The following UNCX variants were observed in gnomAD, a reference collection of about 807,000 sequenced individuals.
The protein encoded by UNCX is homeobox protein unc-4 homolog.
In UNCX, 4 loss-of-function variants were observed where a neutral mutation model predicts 14.8. The observed-to-expected ratio is 0.27, with a 90% CI of 0.13 to 0.62. The LOEUF (loss-of-function observed/expected upper bound fraction) is 0.62. Ranked by LOEUF, UNCX falls within the 20% of genes least tolerant of loss-of-function variation. The pLI is 0.86. For missense variants in UNCX, 749 were observed against 786.8 expected, an observed-to-expected ratio of 0.95 and a Z score of 0.58; for synonymous variants, 459 against 395.8, an observed-to-expected ratio of 1.16 and a Z score of -1.90.
In UNCX at chr7:1,236,785, T is replaced by G; in HGVS notation, c.1404T>G (p.Ala468=). 1.0e-6 allele frequency: 1 copy of G among 985,732 alleles called. No homozygotes were observed. Among genetic ancestry groups the G allele is most frequent in the Non-Finnish European group, 1.2e-6 (1 of 832,240 alleles). 61.1% of individuals were successfully genotyped at this position (985,732 alleles called of 1,614,324 possible). ...TCCGGGACCTCGCCTCGGCAGCGGC[T>G]ACCGAGGGCGGCGGCGGGGACTGCG... ...APFRDLASAA[A]TEGGGGDCAD... Residue 468 remains alanine (A), a synonymous_variant, in exon 3 of 3, where the codon GCT becomes GCG. Coordinates refer to ENST00000316333, the MANE Select transcript of UNCX (RefSeq NM_001080461.3). This position sits in a 1 kb window ranked among gnomAD's most constrained non-coding sequence, Gnocchi z 6.9.
intron 2 of UNCX, among the ~76,000 whole-genome samples, chr7:1,234,966 C>A (rs1231369519): frequency 6.6e-6 from 1 of 152,088 alleles, no homozygotes; most frequent in East Asian, 1.9e-4. Context: ...GGGGCTCAGA[C>A]GGATTTGACT....
Position 1,233,579 on chromosome 7 carries a change from T to G in UNCX, c.334T>G (p.Phe112Val), listed in dbSNP as rs1024513981. 1 of 1,612,836 alleles carries G rather than the reference T, an allele frequency of 6.2e-7. No homozygotes were observed. Among genetic ancestry groups the G allele is most frequent in the African/African-American group, 1.3e-5 (1 of 74,908 alleles). ...GCKRRRTRTN[F>V]TGWQLEELEK... ...CAAGCGGCGGCGCACCCGCACCAAC[T>G]TCACCGGCTGGCAGCTGGAGGAGCT... is the stretch of plus-strand genomic sequence containing the variant. The change falls in exon 2 of 3, where the codon TTC (phenylalanine) becomes GTC (valine). Residue 112 changes from phenylalanine to valine, a missense_variant. This residue lies in a region of UNCX where 42 missense variants were observed against 112.9 expected (regional missense o/e 0.37). Coordinates refer to ENST00000316333, the MANE Select transcript of UNCX (RefSeq NM_001080461.3). The surrounding 1 kb of genome is among the most constrained non-coding windows in gnomAD (Gnocchi z 5.3).
Position 1,236,513 on chromosome 7 carries a change from T to G in UNCX, c.1132T>G (p.Phe378Val). 7.1e-7 allele frequency: 1 copy of G among 1,408,540 alleles called. No homozygotes were observed. The highest frequency in any genetic ancestry group is 3.4e-5 in the East Asian group (1 of 29,200). The allele number at this position is 1,408,540 out of a possible 1,614,324, so 87.3% of individuals were successfully genotyped here. ...APRTLIGKGH[F>V]LLYPITQPLG... is the part of the protein sequence containing the mutation. ...GCGGACCCTGATCGGCAAGGGCCACTTCCTCCTCTACCCCATCACGCAGCC... is the reference window on the plus strand; with the variant it reads ...GCGGACCCTGATCGGCAAGGGCCACGTCCTCCTCTACCCCATCACGCAGCC... The change falls in exon 3 of 3, where the codon TTC becomes GTC. Residue 378 changes from phenylalanine to valine, a missense_variant. By Grantham distance (50) the Phe-to-Val change is conservative (BLOSUM62 -1). Coordinates refer to ENST00000316333, the MANE Select transcript of UNCX (RefSeq NM_001080461.3). The surrounding 1 kb of genome is among the most constrained non-coding windows in gnomAD (Gnocchi z 6.9).
rs760529225 is a variant in UNCX, at chr7:1,233,532, C to G, written c.287C>G (p.Pro96Arg). 1.9e-6 allele frequency: 3 copies of G among 1,611,596 alleles called. No individual in the cohort carries two copies. The highest frequency in any genetic ancestry group is 1.1e-5 in the South Asian group (1 of 90,982). Residue 96 changes from proline to arginine, a missense_variant, in exon 2 of 3, where the codon CCG becomes CGG. Pro to Arg is a moderately radical substitution (Grantham distance 103, BLOSUM62 -2). Coordinates refer to ENST00000316333, the MANE Select transcript of UNCX (RefSeq NM_001080461.3). This position sits in a 1 kb window ranked among gnomAD's most constrained non-coding sequence, Gnocchi z 5.3. ...TGACTGCCCGCAGACTCGGGGGACC[C>G]GGACAAGGAGAGCCCGGGCTGCAAG... is the stretch of plus-strand genomic sequence containing the variant. ...QPFKLSDSGDPDKESPGCKRR... is the reference protein window; with the variant it reads ...QPFKLSDSGDRDKESPGCKRR...
At position 1,236,530 on chromosome 7, in the gene UNCX, C is replaced by G. The variant is rs1387134347; in HGVS notation, c.1149C>G (p.Ile383Met). ...AGGGCCACTTCCTCCTCTACCCCAT[C>G]ACGCAGCCGCTCGGCTTCCTGGTGC... ...IGKGHFLLYP[I>M]TQPLGFLVPQ... Residue 383 changes from isoleucine to methionine, a missense_variant, in exon 3 of 3, where the codon ATC becomes ATG. Around this residue, in one of 3 missense-constraint regions of UNCX, gnomAD observed 552 missense variants for 507.2 expected, o/e 1.09. Coordinates refer to ENST00000316333, the MANE Select transcript of UNCX (RefSeq NM_001080461.3). This position sits in a 1 kb window ranked among gnomAD's most constrained non-coding sequence, Gnocchi z 6.9. 1.4e-6 allele frequency: 2 copies of G among 1,394,970 alleles called. No homozygotes were observed. Among genetic ancestry groups the G allele is most frequent in the South Asian group, 1.4e-5 (1 of 72,978 alleles). The allele number at this position is 1,394,970 out of a possible 1,614,324, so 86.4% of individuals were successfully genotyped here.
intron 2 of UNCX, 131 bp from the exon 3 acceptor site, chr7:1,235,701 C>A: frequency 1.2e-6 from 1 of 801,168 alleles, no homozygotes; most frequent in Non-Finnish European, 1.9e-6. Flanking sequence ...CGCTCGGCCG[C>A]GCGGCTTCAC....
In UNCX at chr7:1,236,093, G is replaced by A. The variant is rs1431130487; in HGVS notation, c.712G>A (p.Gly238Ser). 3.3e-6 allele frequency: 5 copies of A among 1,510,678 alleles called. No individual in the cohort carries two copies. The East Asian group carries it at 1.0e-4, about 31-fold the overall frequency. 93.6% of individuals were successfully genotyped at this position (1,510,678 alleles called of 1,614,324 possible). A position where few individuals can be genotyped will look rare whatever the true frequency, so the allele number is the denominator to read the frequency against. The change falls in exon 3 of 3, where the codon GGC becomes AGC. Residue 238 changes from glycine to serine, a missense_variant. This residue lies in a region of UNCX where 552 missense variants were observed against 507.2 expected (regional missense o/e 1.09). Transcript: ENST00000316333. This position sits in a 1 kb window ranked among gnomAD's most constrained non-coding sequence, Gnocchi z 6.9. ...HSAPSSDSDSGGGGLSPEPPE... is the reference protein window; with the variant it reads ...HSAPSSDSDSSGGGLSPEPPE... ...CGCGCCCAGCTCCGACAGCGACAGCGGCGGCGGCGGCCTGTCTCCGGAGCC... is the reference window on the plus strand; with the variant it reads ...CGCGCCCAGCTCCGACAGCGACAGCAGCGGCGGCGGCCTGTCTCCGGAGCC...
chr7:1,236,422 C>T lies in UNCX; in HGVS notation c.1041C>T (p.Ala347=). The T allele has an allele frequency of 7.3e-7, 1 of 1,367,420 alleles. No individual in the cohort carries two copies. The highest frequency in any genetic ancestry group is 9.4e-7 in the Non-Finnish European group (1 of 1,058,254). The allele number at this position is 1,367,420 out of a possible 1,614,324, so 84.7% of individuals were successfully genotyped here. ...LLSDSPPRRK[A]ASNAAAAAAA... is the part of the protein sequence containing the mutation. Reference sequence around the variant, plus strand: ...CCGACTCGCCGCCGCGCCGGAAAGCCGCTTCCAACGCCGCCGCCGCCGCCG... The same window carrying T: ...CCGACTCGCCGCCGCGCCGGAAAGCTGCTTCCAACGCCGCCGCCGCCGCCG... The change falls in exon 3 of 3, where the codon GCC becomes GCT. Residue 347 remains alanine (A), a synonymous_variant. Coordinates refer to ENST00000316333, the MANE Select transcript of UNCX (RefSeq NM_001080461.3). The surrounding 1 kb of genome is among the most constrained non-coding windows in gnomAD (Gnocchi z 6.9).
In UNCX at chr7:1,236,240, C is replaced by T; in HGVS notation, c.859C>T (p.Pro287Ser). Residue 287 changes from proline (P) to serine (S), a missense_variant, in exon 3 of 3, where the codon CCG (proline) becomes TCG (serine). By Grantham distance (74) the Pro-to-Ser change is moderately conservative. Transcript: ENST00000316333. This position sits in a 1 kb window ranked among gnomAD's most constrained non-coding sequence, Gnocchi z 6.9. ...CGGCACCTGCGACCCCGCCTTCTAC[C>T]CGAGCCAAAGAAGCGGCGCCGGCCC... ...APGTCDPAFY[P>S]SQRSGAGPQP... 7.3e-7 allele frequency: 1 copy of T among 1,370,666 alleles called. No homozygotes were observed. The highest frequency in any genetic ancestry group is 9.5e-7 in the Non-Finnish European group (1 of 1,053,592). The allele number at this position is 1,370,666 out of a possible 1,614,324, so 84.9% of individuals were successfully genotyped here.
intron 2 of UNCX, 60 bp from the exon 3 acceptor site, chr7:1,235,772 G>T: frequency 6.6e-7 from 1 of 1,507,554 alleles, no homozygotes; most frequent in Non-Finnish European, 9.0e-7. Flanking sequence ...GAGGTCCTCG[G>T]CCCCGGCGGC....
chr7:1,235,223 G>A (rs1362609403), intron 2 of UNCX, among the ~76,000 whole-genome samples: 1 of 152,262 alleles, frequency 6.6e-6, no homozygotes, highest in Non-Finnish European at 1.5e-5. Context: ...AGAAGGCTGT[G>A]TTAGCTGTGC....
chr7:1,237,045 C>T lies in UNCX; in HGVS notation c.*68C>T. ...CTCGCTCAGGCTCCGACTCACGCAA[C>T]GAATCAGGTGATCGGCTCTAGAAAC... On this transcript the variant is annotated 3_prime_UTR_variant, in exon 3 of 3. Transcript: ENST00000316333. The surrounding 1 kb of genome is among the most constrained non-coding windows in gnomAD (Gnocchi z 5.8). 3 of 1,059,078 alleles carry T rather than the reference C, an allele frequency of 2.8e-6. No homozygotes were observed. Among genetic ancestry groups the T allele is most frequent in the African/African-American group, 1.7e-5 (1 of 59,022 alleles). The allele number at this position is 1,059,078 out of a possible 1,614,324, so 65.6% of individuals were successfully genotyped here.
Position 1,236,469 on chromosome 7 carries a change from C to T in UNCX, c.1088C>T (p.Pro363Leu), listed in dbSNP as rs1778744444. Residue 363 changes from proline to leucine, a missense_variant, in exon 3 of 3, where the codon CCC (proline) becomes CTC (leucine). Coordinates refer to ENST00000316333, the MANE Select transcript of UNCX (RefSeq NM_001080461.3). This position sits in a 1 kb window ranked among gnomAD's most constrained non-coding sequence, Gnocchi z 6.9. ...GCCGCCGCGGGGCTGGACTTCGCGCCCGGGCTGCCGTGCGCGCCGCGGACC... is the reference window on the plus strand; with the variant it reads ...GCCGCCGCGGGGCTGGACTTCGCGCTCGGGCTGCCGTGCGCGCCGCGGACC... Reference protein sequence around the residue: ...AAAAAGLDFAPGLPCAPRTLI... With the variant: ...AAAAAGLDFALGLPCAPRTLI... The T allele has an allele frequency of 1.5e-6, 2 of 1,375,840 alleles. No individual in the cohort carries two copies. Among genetic ancestry groups the T allele is most frequent in the Non-Finnish European group, 1.9e-6 (2 of 1,063,008 alleles). 85.2% of individuals were successfully genotyped at this position (1,375,840 alleles called of 1,614,324 possible).
rs1206212035 is a variant in UNCX, at chr7:1,236,324, G to A, written c.943G>A (p.Ala315Thr). ...CGCGGCCTCGTGCGGGCCAGGGGCC[G>A]CTGTGGCGGCGGTGGAGCGCGGCGC... ...KDAASCGPGA[A>T]VAAVERGAAG... Residue 315 changes from alanine to threonine, a missense_variant, in exon 3 of 3, where the codon GCT (alanine) becomes ACT (threonine). Coordinates refer to ENST00000316333, the MANE Select transcript of UNCX (RefSeq NM_001080461.3). The surrounding 1 kb of genome is among the most constrained non-coding windows in gnomAD (Gnocchi z 6.9). 2.3e-6 allele frequency: 3 copies of A among 1,297,732 alleles called. No homozygotes were observed. Among genetic ancestry groups the A allele is most frequent in the Admixed American group, 3.9e-5 (1 of 25,444 alleles). The allele number at this position is 1,297,732 out of a possible 1,614,324, so 80.4% of individuals were successfully genotyped here.
Position 1,236,371 on chromosome 7 carries a change from C to T in UNCX, c.990C>T (p.Ser330=). The part of the protein sequence containing the change: ...ERGAAGLPKA[S]PFSVESLLSD... Reference sequence around the variant, plus strand: ...GCGCCGCGGGGCTGCCCAAGGCCAGCCCATTCAGCGTGGAGAGCCTCCTGT... The same window carrying T: ...GCGCCGCGGGGCTGCCCAAGGCCAGTCCATTCAGCGTGGAGAGCCTCCTGT... Residue 330 remains serine, a synonymous_variant, in exon 3 of 3, where the codon AGC becomes AGT. Transcript: ENST00000316333. The surrounding 1 kb of genome is among the most constrained non-coding windows in gnomAD (Gnocchi z 6.9). 5.9e-6 allele frequency: 8 copies of T among 1,357,700 alleles called. No homozygotes were observed. Among genetic ancestry groups the T allele is most frequent in the South Asian group, 1.5e-5 (1 of 66,216 alleles). The allele number at this position is 1,357,700 out of a possible 1,614,324, so 84.1% of individuals were successfully genotyped here.
chr7:1,234,826 A>C (rs1225009041), intron 2 of UNCX, among the ~76,000 whole-genome samples: 1 of 150,124 alleles, frequency 6.7e-6, no homozygotes. Flanking sequence ...TTCATGCTGG[A>C]GACCTCCCCA....
In UNCX at chr7:1,236,527, C is replaced by T. The variant is rs953313840; in HGVS notation, c.1146C>T (p.Pro382=). The change falls in exon 3 of 3, where the codon CCC becomes CCT. Residue 382 remains proline (P), a synonymous_variant. Transcript: ENST00000316333. The surrounding 1 kb of genome is among the most constrained non-coding windows in gnomAD (Gnocchi z 6.9). ...GCAAGGGCCACTTCCTCCTCTACCC[C>T]ATCACGCAGCCGCTCGGCTTCCTGG... The part of the protein sequence containing the change: ...LIGKGHFLLY[P]ITQPLGFLVP... 7.9e-6 allele frequency: 11 copies of T among 1,399,606 alleles called. No homozygotes were observed. Among genetic ancestry groups the T allele is most frequent in the Non-Finnish European group, 1.0e-5 (11 of 1,069,858 alleles). 86.7% of individuals were successfully genotyped at this position (1,399,606 alleles called of 1,614,324 possible).
Position 1,234,333 on chromosome 7 carries a change from T to C in UNCX, c.450+638T>C, listed in dbSNP as rs1778703190. ...TCTCATCTTTTTCTTACGACTGTTT[T>C]CCCGTAAATTTGCTATCATTTGGAG... is the stretch of plus-strand genomic sequence containing the variant. On this transcript the variant is annotated intron_variant, in intron 2 of 2. Coordinates refer to ENST00000316333, the MANE Select transcript of UNCX (RefSeq NM_001080461.3). Among the ~76,000 whole-genome samples, 5 of 152,268 alleles carry C rather than the reference T, an allele frequency of 3.3e-5. No homozygotes were observed. The South Asian group carries it at 1.0e-3, about 31-fold the overall frequency.
Position 1,233,026 on chromosome 7 carries a change from C to A in UNCX, c.9C>A (p.Asp3Glu). Residue 3 changes from aspartate (D) to glutamate (E), a missense_variant, in exon 1 of 3, where the codon GAC becomes GAA. Transcript: ENST00000316333. The surrounding 1 kb of genome is among the most constrained non-coding windows in gnomAD (Gnocchi z 5.3). ...CCGGCCCCCCGCGCGAGATGATGGA[C>A]GGCCGCCTCCTGGAACACCCGCATG... MM[D>E]GRLLEHPHAQ... 7.9e-7 allele frequency: 1 copy of A among 1,270,134 alleles called. No individual in the cohort carries two copies. Among genetic ancestry groups the A allele is most frequent in the Non-Finnish European group, 9.9e-7 (1 of 1,005,570 alleles). 78.7% of individuals were successfully genotyped at this position (1,270,134 alleles called of 1,614,324 possible). A position where few individuals can be genotyped will look rare whatever the true frequency, so the allele number is the denominator to read the frequency against.
Sources: allele counts gnomAD v4.1 joint callset (sites outside exome capture counted in the v4.1 genomes callset), GRCh38; gene constraint gnomAD v4.1.1; regional missense constraint gnomAD v4.1.1; non-coding constraint Gnocchi (gnomAD v3.1); transcripts MANE v1.5; gene names NCBI Gene and HGNC (gene_info 2026-07-23, HGNC 2026-07-21).